SULF2: variants seen among roughly 807,000 people sequenced by gnomAD.
SULF2 encodes sulfatase 2, also known as extracellular sulfatase Sulf-2.
Under a neutral mutation model 107.7 loss-of-function variants are expected in SULF2, and 52 were observed. The observed-to-expected ratio is 0.48, with a 90% CI of 0.39 to 0.61. The LOEUF is 0.61. Among genes scored for constraint, SULF2 ranks in the 20% least tolerant of loss-of-function variants. The pLI is 0.00. For synonymous variants in SULF2, 460 were observed against 464.3 expected (o/e 0.99, Z 0.12); for missense variants, 993 against 1,177.3 (o/e 0.84, Z 2.29).
Position 47,659,391 on chromosome 20 carries a change from C to T in SULF2, c.2582+8G>A. 1.2e-6 allele frequency: 2 copies of T among 1,613,946 alleles called. No individual in the cohort carries two copies. Among genetic ancestry groups the T allele is most frequent in the Non-Finnish European group, 1.7e-6 (2 of 1,179,850 alleles). On this transcript the variant is annotated splice_region_variant and intron_variant, in intron 20 of 20. Coordinates refer to ENST00000688720, the MANE Select transcript of SULF2 (RefSeq NM_001387048.1). ...GATTTCTATTTGTAAGCTGGTTCCT[C>T]AACTCACAGTGATTTGGAAGAAGGT...
At position 47,701,842 on chromosome 20, in the gene SULF2, G is replaced by A. The variant is rs77820452; in HGVS notation, c.567+677C>T. ...TCGTTATCCTCGCGGGAGGGGTGTCGAGTCGGGGGAATTCCGTGAGGGGAC... is the reference window on the plus strand; with the variant it reads ...TCGTTATCCTCGCGGGAGGGGTGTCAAGTCGGGGGAATTCCGTGAGGGGAC... On this transcript the variant is annotated intron_variant, in intron 4 of 20. Coordinates refer to ENST00000688720, the MANE Select transcript of SULF2 (RefSeq NM_001387048.1). Among the ~76,000 whole-genome samples the A allele has an allele frequency of 7.1e-4, 108 of 152,244 alleles. No individual in the cohort carries two copies. In the East Asian group the frequency reaches 0.019, roughly 27 times the overall value.
intron 4 of SULF2, among the ~76,000 whole-genome samples, chr20:47,693,380 C>G (rs2088267527): frequency 6.6e-6 from 1 of 152,152 alleles, no homozygotes; most frequent in Non-Finnish European, 1.5e-5. Flanking sequence ...GGGTGGGAAG[C>G]CACCGTTGCT....
chr20:47,674,594 C>T (rs2087580205), intron 10 of SULF2, among the ~76,000 whole-genome samples: 1 of 152,190 alleles, frequency 6.6e-6, no homozygotes, highest in African/African-American at 2.4e-5. Context: ...CTAGCCGGGC[C>T]CTGCCCTTAG....
chr20:47,774,447 A>G (rs544769365), intron 1 of SULF2, among the ~76,000 whole-genome samples: 23 of 152,276 alleles, frequency 1.5e-4, no homozygotes, highest in Non-Finnish European at 2.9e-4. Context: ...CAGGAGCCAG[A>G]AGCAAACTGC....
intron 13 of SULF2, 49 bp from the exon 14 acceptor site, chr20:47,665,342 A>G: frequency 8.0e-7 from 1 of 1,254,314 alleles, no homozygotes; most frequent in Non-Finnish European, 1.2e-6. Context: ...AGGCTGGACA[A>G]CAAAGACTTG....
chr20:47,760,716 C>T (rs768972322), intron 1 of SULF2, among the ~76,000 whole-genome samples: 1 of 152,220 alleles, frequency 6.6e-6, no homozygotes, highest in Non-Finnish European at 1.5e-5. Context: ...CCGCTCAATG[C>T]CTCCTTCCCA....
intron 6 of SULF2, among the ~76,000 whole-genome samples, chr20:47,683,884 G>T (rs1431793925): frequency 6.6e-6 from 1 of 152,248 alleles, no homozygotes; most frequent in African/African-American, 2.4e-5. Flanking sequence ...AAAGAAAGGC[G>T]CTGGGCACAG....
At position 47,701,338 on chromosome 20, in the gene SULF2, G is replaced by A. The variant is rs59779170; in HGVS notation, c.567+1181C>T. ...TGCTCTATGTCTTGATCGGAGCCGC[G>A]GTGAAATGGATGCACGCATATGTGG... On this transcript the variant is annotated intron_variant, in intron 4 of 20. Transcript: ENST00000688720. Among the ~76,000 whole-genome samples, 976 of 152,276 alleles carry A rather than the reference G, an allele frequency of 6.4e-3. 17 individuals carry two copies. Among genetic ancestry groups the A allele is most frequent in the African/African-American group, 0.02 (826 of 41,552 alleles).
chr20:47,676,887 C>G (rs1577063), intron 9 of SULF2, among the ~76,000 whole-genome samples, 191 bp downstream of exon 9: 132,521 of 152,294 alleles, frequency 0.87, 58,090 homozygotes, highest in African/African-American at 0.97. Flanking sequence ...ATGCCAAAAG[C>G]GTACACGTGA....
intron 3 of SULF2, among the ~76,000 whole-genome samples, chr20:47,716,986 G>C (rs2089142380): frequency 6.6e-6 from 1 of 152,116 alleles, no homozygotes; most frequent in South Asian, 2.1e-4. Context: ...CTTCAGCCTG[G>C]GTGACAAGCG....
rs960335095 is a variant in SULF2 at position 47,743,347 on chromosome 20, T to C, written c.176-6405A>G. On this transcript the variant is annotated intron_variant, in intron 2 of 20. Coordinates refer to ENST00000688720, the MANE Select transcript of SULF2 (RefSeq NM_001387048.1). ...TCTTTTGAGACAGGGTCTCACTCTG[T>C]ACCCAGGCTGGAGTGCAGTAGTGTG... Among the ~76,000 whole-genome samples the C allele has an allele frequency of 0.013, 61 of 4,784 alleles. No individual in the cohort carries two copies. In the African/African-American group the frequency reaches 0.13, roughly 10 times the overall value. The allele number at this position is 4,784 out of a possible 152,430, so 3.1% of individuals were successfully genotyped here.
rs1444806009 is a variant in SULF2, at chr20:47,745,404, A to G, written c.176-8462T>C. ...AGGGAAAAAAAAAAAAAAAAAAAAA[A>G]AAAAAAATATATATATATATATATA... is the stretch of plus-strand genomic sequence containing the variant. On this transcript the variant is annotated intron_variant, in intron 2 of 20. Transcript: ENST00000688720. 1.2e-3 allele frequency among the ~76,000 whole-genome samples: 27 copies of G among 22,904 alleles called. 1 individual carries two copies. The highest frequency in any genetic ancestry group is 6.8e-3 in the African/African-American group (24 of 3,552). The allele number at this position is 22,904 out of a possible 152,430, so 15.0% of individuals were successfully genotyped here.
chr20:47,746,585 GCT>G (rs1741962852), intron 2 of SULF2, among the ~76,000 whole-genome samples: 1 of 152,178 alleles, frequency 6.6e-6, no homozygotes, highest in South Asian at 2.1e-4. Context: ...CCCCAGAATA[GCT>G]CTGTCTCCAG....
At chr20:47,745,401 AAAAAAAAAAATATAT>A (rs2089997114) in intron 2 of SULF2, among the ~76,000 whole-genome samples, 3 of 38,756 alleles carry the variant, frequency 7.7e-5, no homozygotes, top group East Asian at 8.9e-4. Flanking sequence ...AAAAAAAAAA[AAAAAAAAAAATATAT>A]ATATATATAT....
At position 47,666,332 on chromosome 20, in the gene SULF2, T is replaced by G. The variant is rs774248429; in HGVS notation, c.1733A>C (p.Asp578Ala). The change falls in exon 12 of 21, where the codon GAT becomes GCT. Residue 578 changes from aspartate (D) to alanine (A), a missense_variant. Physicochemically the swap from Asp to Ala is moderately radical, Grantham distance 126 (BLOSUM62 -2). Transcript: ENST00000688720. This position sits in a 1 kb window ranked among gnomAD's most constrained non-coding sequence, Gnocchi z 5.4. ...TCCAGTGCCACTGAAGTCCCCACCA[T>G]CCTTGTCATCTTGGTCCTCAGGGGC... is the stretch of plus-strand genomic sequence containing the variant. ...PGAPEDQDDK[D>A]GGDFSGTGGL... is the part of the protein sequence containing the mutation. The G allele has an allele frequency of 6.2e-7, 1 of 1,614,228 alleles. No individual in the cohort carries two copies. The highest frequency in any genetic ancestry group is 8.5e-7 in the Non-Finnish European group (1 of 1,180,044).
At chr20:47,755,090 C>T (rs571975910) in intron 2 of SULF2, among the ~76,000 whole-genome samples, 2 of 152,310 alleles carry the variant, frequency 1.3e-5, no homozygotes, top group South Asian at 4.1e-4. Context: ...CTCAGGCTCC[C>T]AAAATGCTGG....
chr20:47,734,702 T>G (rs1314369034), intron 3 of SULF2, among the ~76,000 whole-genome samples: 1 of 152,222 alleles, frequency 6.6e-6, no homozygotes, highest in Admixed American at 6.5e-5. Flanking sequence ...TGGGATTCTT[T>G]GTACAGAGTG....
chr20:47,769,330 G>A (rs181966338), intron 1 of SULF2, among the ~76,000 whole-genome samples: 4 of 151,172 alleles, frequency 2.6e-5, no homozygotes, highest in East Asian at 2.0e-4. Context: ...GTGAGCCACC[G>A]CGCCCGGCCA....
At chr20:47,734,799 T>G (rs1426957997) in intron 3 of SULF2, among the ~76,000 whole-genome samples, 1 of 152,224 alleles carries the variant, frequency 6.6e-6, no homozygotes, top group Non-Finnish European at 1.5e-5. Flanking sequence ...ACACTTGACA[T>G]TACGCTCCCA....
Sources: allele counts gnomAD v4.1 joint callset (sites outside exome capture counted in the v4.1 genomes callset), GRCh38; gene constraint gnomAD v4.1.1; non-coding constraint Gnocchi (gnomAD v3.1); transcripts MANE v1.5; gene names NCBI Gene and HGNC (gene_info 2026-07-23, HGNC 2026-07-21).